Variants in PDE6D observed in about 807,000 individuals in gnomAD.
The protein encoded by PDE6D is retinal rod rhodopsin-sensitive cGMP 3',5'-cyclic phosphodiesterase subunit delta.
A neutral mutation model predicts 21.9 loss-of-function variants in PDE6D; 10 were observed. That is an observed-to-expected ratio of 0.46 (90% CI 0.28 to 0.78). The LOEUF (loss-of-function observed/expected upper bound fraction) is 0.78. Among genes scored for constraint, PDE6D ranks in the 30% least tolerant of loss-of-function variants. The pLI is 0.12. For missense variants in PDE6D, 139 were observed against 184.8 expected, an observed-to-expected ratio of 0.75 and a Z score of 1.44; for synonymous variants, 59 against 63.5, an observed-to-expected ratio of 0.93 and a Z score of 0.34.
At chr2:231,744,164 G>A (rs1237252989) in intron 1 of PDE6D, among the ~76,000 whole-genome samples, 1 of 152,188 alleles carries the variant, frequency 6.6e-6, no homozygotes. Context: ...AGCTGCAGTT[G>A]GAGCAGACTG....
At chr2:231,764,125 A>G (rs1189401164) in intron 1 of PDE6D, among the ~76,000 whole-genome samples, 3 of 152,158 alleles carry the variant, frequency 2.0e-5, no homozygotes, top group Non-Finnish European at 4.4e-5. Context: ...GTGAGTGTTC[A>G]ATAAAAAATC....
Position 231,781,273 on chromosome 2 carries a change from C to A in PDE6D, c.-159G>T. ...CCGGCCTCTCTCTCCCCTCAGCTCCCGCTTCTGATCCCTTCTCCTTCCCCC... is the reference window on the plus strand; with the variant it reads ...CCGGCCTCTCTCTCCCCTCAGCTCCAGCTTCTGATCCCTTCTCCTTCCCCC... On this transcript the variant is annotated 5_prime_UTR_variant, in exon 1 of 5. Coordinates refer to ENST00000287600, the MANE Select transcript of PDE6D (RefSeq NM_002601.4). 1 of 638,520 alleles carries A rather than the reference C, an allele frequency of 1.6e-6. No individual in the cohort carries two copies. The highest frequency in any genetic ancestry group is 2.8e-6 in the Non-Finnish European group (1 of 359,528). 39.6% of individuals were successfully genotyped at this position (638,520 alleles called of 1,614,324 possible).
At chr2:231,733,308 G>T (rs557369660) in intron 4 of PDE6D, among the ~76,000 whole-genome samples, 1 of 152,198 alleles carries the variant, frequency 6.6e-6, no homozygotes, top group African/African-American at 2.4e-5. Context: ...CCTTAGTAGA[G>T]TGCTCTGCAC....
chr2:231,780,995 C>A, intron 1 of PDE6D, 70 bp downstream of exon 1: 1 of 1,390,632 alleles, frequency 7.2e-7, no homozygotes, highest in African/African-American at 1.4e-5. Context: ...GCCCCCGCCC[C>A]CGGCCAGTCT....
chr2:231,756,308 A>T (rs2048882141), intron 1 of PDE6D, among the ~76,000 whole-genome samples: 1 of 152,184 alleles, frequency 6.6e-6, no homozygotes, highest in Non-Finnish European at 1.5e-5. Context: ...ATCATATACC[A>T]TTGAAGTTTT....
chr2:231,774,418 G>A (rs2049038565), intron 1 of PDE6D, among the ~76,000 whole-genome samples: 1 of 152,130 alleles, frequency 6.6e-6, no homozygotes, highest in Non-Finnish European at 1.5e-5. Context: ...AGCAGAGGCA[G>A]TAAGTCTAAA....
chr2:231,742,941 T>C (rs1214611662), intron 1 of PDE6D, among the ~76,000 whole-genome samples: 3 of 152,214 alleles, frequency 2.0e-5, no homozygotes, highest in Non-Finnish European at 4.4e-5. Flanking sequence ...CCTTTCCTAC[T>C]GTGTGGTCTT....
rs1347176807 is a variant in PDE6D at position 231,781,136 on chromosome 2, G to A, written c.-22C>T. ...ACATGATGCGGCGGTCGCCGCCCGC[G>A]GCTTTCTCACTCTGGTCGGCGGAGC... On this transcript the variant is annotated 5_prime_UTR_variant, in exon 1 of 5. Transcript: ENST00000287600. 1 of 1,611,624 alleles carries A rather than the reference G, an allele frequency of 6.2e-7. No individual in the cohort carries two copies. Among genetic ancestry groups the A allele is most frequent in the Non-Finnish European group, 8.5e-7 (1 of 1,179,168 alleles).
chr2:231,774,779 C>T (rs544866852), intron 1 of PDE6D, among the ~76,000 whole-genome samples: 8 of 151,868 alleles, frequency 5.3e-5, no homozygotes, highest in Non-Finnish European at 1.2e-4. Flanking sequence ...TTAGTAGAGA[C>T]GGGGTTTCAC....
chr2:231,746,312 T>C (rs896745251), intron 1 of PDE6D, among the ~76,000 whole-genome samples: 1 of 152,098 alleles, frequency 6.6e-6, no homozygotes, highest in African/African-American at 2.4e-5. Flanking sequence ...CGGCTAATTT[T>C]TTGTATTTTT....
Position 231,737,382 on chromosome 2 carries a change from C to G in PDE6D, c.266-90G>C, listed in dbSNP as rs983748257. 3 of 655,590 alleles carry G rather than the reference C, an allele frequency of 4.6e-6. No homozygotes were observed. In the Admixed American group the frequency reaches 7.9e-5, roughly 17 times the overall value. The allele number at this position is 655,590 out of a possible 1,614,324, so 40.6% of individuals were successfully genotyped here. On this transcript the variant is annotated intron_variant, in intron 3 of 4. Transcript: ENST00000287600. ...CTCCCTCTCTAGAGTGAGCCTCTTC[C>G]TACCCTGAGAACCACCAAAGGAAGC...
chr2:231,762,160 A>G (rs2048935907), intron 1 of PDE6D, among the ~76,000 whole-genome samples: 1 of 152,186 alleles, frequency 6.6e-6, no homozygotes, highest in South Asian at 2.1e-4. Context: ...TCCATTTATG[A>G]TAACAAAACT....
Position 231,781,084 on chromosome 2 carries a change from T to C in PDE6D, c.31A>G (p.Ile11Val). MSAKDERARE[I>V]LRGFKLNWMN... Reference sequence around the variant, plus strand: ...GGATACAGTTTGAAGCCCCTCAGGATCTCCCTGGCCCGCTCGTCCTTGGCT... The same window carrying C: ...GGATACAGTTTGAAGCCCCTCAGGACCTCCCTGGCCCGCTCGTCCTTGGCT... The change falls in exon 1 of 5, where the codon ATC (isoleucine) becomes GTC (valine). Residue 11 changes from isoleucine (I) to valine (V), a missense_variant. Physicochemically the swap from Ile to Val is conservative, Grantham distance 29. Transcript: ENST00000287600. 1 of 1,613,446 alleles carries C rather than the reference T, an allele frequency of 6.2e-7. No homozygotes were observed. The highest frequency in any genetic ancestry group is 1.1e-5 in the South Asian group (1 of 91,066).
Position 231,737,194 on chromosome 2 carries a change from C to A in PDE6D, c.364G>T (p.Val122Phe). The A allele has an allele frequency of 1.3e-6, 2 of 1,595,314 alleles. No individual in the cohort carries two copies. The highest frequency in any genetic ancestry group is 1.7e-6 in the Non-Finnish European group (2 of 1,162,942). The change falls in exon 4 of 5, where the codon GTC (valine) becomes TTC (phenylalanine). Residue 122 changes from valine (V) to phenylalanine (F), a missense_variant. By Grantham distance (50) the Val-to-Phe change is conservative. Transcript: ENST00000287600. ...TGAGACCTGCTCACTCACGTTAAGA[C>A]GCTTGCTGGCATCATCTGGGACTCG... Reference protein sequence around the residue: ...APESQMMPASVLTGNVIIETK... With the variant: ...APESQMMPASFLTGNVIIETK...
In PDE6D at chr2:231,781,239, A is replaced by T. The variant is rs550036653; in HGVS notation, c.-125T>A. On this transcript the variant is annotated 5_prime_UTR_variant, in exon 1 of 5. Transcript: ENST00000287600. ...CCTCGGGCTAGCAGCCGCAGCGGCC[A>T]GACCAGGACCGGCCTCTCTCTCCCC... 7 of 853,574 alleles carry T rather than the reference A, an allele frequency of 8.2e-6. No individual in the cohort carries two copies. The African/African-American group carries it at 1.2e-4, about 15-fold the overall frequency. 52.9% of individuals were successfully genotyped at this position (853,574 alleles called of 1,614,324 possible). A position where few individuals can be genotyped will look rare whatever the true frequency, so the allele number is the denominator to read the frequency against.
chr2:231,770,675 G>A (rs1035202847), intron 1 of PDE6D, among the ~76,000 whole-genome samples: 4 of 151,990 alleles, frequency 2.6e-5, no homozygotes, highest in African/African-American at 4.8e-5. Context: ...AAAATTGGCC[G>A]GGTATGGTGG....
At chr2:231,735,300 C>A (rs1452017421) in intron 4 of PDE6D, among the ~76,000 whole-genome samples, 1 of 135,818 alleles carries the variant, frequency 7.4e-6, no homozygotes, top group Non-Finnish European at 1.6e-5. Flanking sequence ...AATTCTATTA[C>A]AATTTTTTTT....
At chr2:231,777,003 T>G (rs1351398246) in intron 1 of PDE6D, among the ~76,000 whole-genome samples, 2 of 152,224 alleles carry the variant, frequency 1.3e-5, no homozygotes, top group Non-Finnish European at 2.9e-5. Flanking sequence ...TTACCTTGTA[T>G]GGATCTAGGG....
At chr2:231,740,963 A>C (rs1574618609) in intron 1 of PDE6D, among the ~76,000 whole-genome samples, 1 of 150,972 alleles carries the variant, frequency 6.6e-6, no homozygotes, top group African/African-American at 2.4e-5. Flanking sequence ...ACATGGAGAA[A>C]CCCCATCTCT....
Sources: allele counts gnomAD v4.1 joint callset (sites outside exome capture counted in the v4.1 genomes callset), GRCh38; gene constraint gnomAD v4.1.1; transcripts MANE v1.5; gene names NCBI Gene and HGNC (gene_info 2026-07-23, HGNC 2026-07-21).